Variants in SMYD3 observed in about 807,000 individuals in gnomAD.
SMYD3 encodes histone-lysine N-methyltransferase SMYD3.
In SMYD3, 36 loss-of-function variants were observed where a neutral mutation model predicts 57.7. That is an observed-to-expected ratio of 0.62 (90% confidence interval 0.48 to 0.82). The LOEUF (loss-of-function observed/expected upper bound fraction) is 0.82. SMYD3 is among the 40% of genes least tolerant of loss of function. The probability of loss-of-function intolerance (pLI) is 0.00; values close to 1 mark genes in which losing one functional copy is unlikely to be tolerated. For missense variants in SMYD3, 515 were observed against 538.8 expected (o/e 0.96, Z 0.44); for synonymous variants, 211 against 195.0 (o/e 1.08, Z -0.68).
intron 1 of SMYD3, among the ~76,000 whole-genome samples, chr1:246,460,695 T>C (rs1402788424): frequency 6.6e-6 from 1 of 150,996 alleles, no homozygotes; most frequent in African/African-American, 2.5e-5. Context: ...ATAATTTCAA[T>C]TGGTGTTTTC....
intron 8 of SMYD3, among the ~76,000 whole-genome samples, chr1:245,871,740 C>T (rs1028867177): frequency 1.3e-5 from 2 of 152,162 alleles, no homozygotes; most frequent in Admixed American, 6.5e-5. Context: ...GGTAACGATT[C>T]TCTAAGGAGA....
intron 1 of SMYD3, among the ~76,000 whole-genome samples, chr1:246,447,188 C>T (rs1042415466): frequency 3.9e-5 from 6 of 152,172 alleles, no homozygotes; most frequent in Admixed American, 6.5e-5. Flanking sequence ...ACATTTCCTT[C>T]GGAAACCAGA....
chr1:246,138,427 T>C lies in SMYD3; in HGVS notation c.531+188774A>G, dbSNP rs111725783. On this transcript the variant is annotated intron_variant, in intron 5 of 11. Transcript: ENST00000490107. ...TAAACTATTTTAAAAATTTATTTAT[T>C]TATTTATTTTTTTTCTGAGACGGAG... Among the ~76,000 whole-genome samples, 1,162 of 151,412 alleles carry C rather than the reference T, an allele frequency of 7.7e-3. 11 individuals carry two copies. Among genetic ancestry groups the C allele is most frequent in the African/African-American group, 0.026 (1,085 of 41,418 alleles).
At chr1:245,895,100 C>T (rs1215912260) in intron 8 of SMYD3, among the ~76,000 whole-genome samples, 1 of 152,180 alleles carries the variant, frequency 6.6e-6, no homozygotes, top group Non-Finnish European at 1.5e-5. Context: ...GCCCAGAAGC[C>T]TCTCCCCGTA....
intron 5 of SMYD3, among the ~76,000 whole-genome samples, chr1:245,942,657 A>G (rs570410866): frequency 4.6e-5 from 7 of 152,346 alleles, no homozygotes; most frequent in African/African-American, 1.7e-4. Context: ...CTAACCCCCC[A>G]AAACAGAATA....
chr1:245,792,482 T>C (rs1353131936), intron 10 of SMYD3, among the ~76,000 whole-genome samples: 1 of 152,202 alleles, frequency 6.6e-6, no homozygotes, highest in Non-Finnish European at 1.5e-5. Flanking sequence ...AACAGACTTA[T>C]TAATGATGAC....
intron 7 of SMYD3, among the ~76,000 whole-genome samples, chr1:245,920,678 T>C (rs1010692933): frequency 1.3e-5 from 2 of 152,172 alleles, no homozygotes; most frequent in Non-Finnish European, 2.9e-5. Flanking sequence ...CATAGAAAAG[T>C]GGTCATACAA....
At chr1:246,329,067 T>C (rs201771624) in intron 4 of SMYD3, among the ~76,000 whole-genome samples, 23,208 of 151,930 alleles carry the variant, frequency 0.15, 2,243 homozygotes, top group East Asian at 0.42. Context: ...ATATGTGCCA[T>C]ATTTTCTTAA....
At chr1:245,947,314 T>C (rs1019192938) in intron 5 of SMYD3, 2 of 454,504 alleles carry the variant, frequency 4.4e-6, no homozygotes, top group East Asian at 7.0e-5. Flanking sequence ...CACTCTGTCA[T>C]GTGAATGTCA....
At chr1:245,798,215 T>G (rs1253329265) in intron 10 of SMYD3, among the ~76,000 whole-genome samples, 1 of 151,942 alleles carries the variant, frequency 6.6e-6, no homozygotes, top group East Asian at 1.9e-4. Flanking sequence ...TAGCCTGGCC[T>G]GCGCCATCAC....
intron 5 of SMYD3, among the ~76,000 whole-genome samples, chr1:246,128,223 A>G (rs778252931): frequency 1.5e-4 from 23 of 151,578 alleles, no homozygotes; most frequent in Non-Finnish European, 3.1e-4. Context: ...CAATTCCTGC[A>G]CTCCTCCTCC....
chr1:245,842,922 G>C (rs1178944725), intron 10 of SMYD3, among the ~76,000 whole-genome samples: 2 of 152,118 alleles, frequency 1.3e-5, no homozygotes, highest in Non-Finnish European at 2.9e-5. Flanking sequence ...GTTACCCCAG[G>C]TTGATCTCAA....
At chr1:246,298,198 A>G (rs921575923) in intron 5 of SMYD3, among the ~76,000 whole-genome samples, 6 of 151,662 alleles carry the variant, frequency 4.0e-5, no homozygotes, top group African/African-American at 1.2e-4. Context: ...AAGGGGAAAC[A>G]TTCATAAAGA....
intron 5 of SMYD3, among the ~76,000 whole-genome samples, chr1:246,290,062 A>T (rs1276739621): frequency 2.6e-5 from 4 of 152,200 alleles, no homozygotes; most frequent in Non-Finnish European, 5.9e-5. Flanking sequence ...TACTTAAAGG[A>T]ATCTTCAAAT....
At chr1:246,222,977 A>G (rs544012353) in intron 5 of SMYD3, among the ~76,000 whole-genome samples, 1 of 152,312 alleles carries the variant, frequency 6.6e-6, no homozygotes, top group South Asian at 2.1e-4. Context: ...ATGAAGATAG[A>G]TGAAGTTAAA....
At chr1:246,233,067 G>A (rs921502288) in intron 5 of SMYD3, among the ~76,000 whole-genome samples, 1 of 131,164 alleles carries the variant, frequency 7.6e-6, no homozygotes, top group African/African-American at 2.7e-5. Flanking sequence ...AATTCACACT[G>A]TGATGAACAT....
intron 5 of SMYD3, among the ~76,000 whole-genome samples, chr1:246,210,954 T>A (rs1169718200): frequency 6.6e-6 from 1 of 152,142 alleles, no homozygotes; most frequent in East Asian, 1.9e-4. Context: ...ACACCACCAC[T>A]GTCCCAGGCG....
At chr1:246,085,110 C>T (rs1431159272) in intron 5 of SMYD3, among the ~76,000 whole-genome samples, 3 of 152,112 alleles carry the variant, frequency 2.0e-5, no homozygotes, top group African/African-American at 7.2e-5. Flanking sequence ...AATTTTATCT[C>T]CAGCAAAGAA....
intron 10 of SMYD3, among the ~76,000 whole-genome samples, chr1:245,784,420 CAG>C (rs1486680427): frequency 6.6e-6 from 1 of 152,144 alleles, no homozygotes; most frequent in Non-Finnish European, 1.5e-5. Flanking sequence ...ACGAAGGATA[CAG>C]CAGGGATATC....
Sources: allele counts gnomAD v4.1 joint callset (sites outside exome capture counted in the v4.1 genomes callset), GRCh38; gene constraint gnomAD v4.1.1; transcripts MANE v1.5; gene names NCBI Gene and HGNC (gene_info 2026-07-23, HGNC 2026-07-21).